The following SLCO1B1 variants were observed in gnomAD, a reference collection of about 807,000 sequenced individuals.
SLCO1B1 encodes solute carrier organic anion transporter family member 1B1.
Under a neutral mutation model 70.1 loss-of-function variants are expected in SLCO1B1, and 81 were observed. The observed-to-expected ratio is 1.16, with a 90% CI of 0.97 to 1.39. SLCO1B1 has a LOEUF of 1.39. Among genes scored for constraint, SLCO1B1 ranks in the 40% most tolerant of loss-of-function variants. The probability of loss-of-function intolerance (pLI) is 0.00; values close to 1 mark genes in which losing one functional copy is unlikely to be tolerated. For synonymous variants in SLCO1B1, 283 were observed against 271.5 expected (o/e 1.04, Z -0.42); for missense variants, 895 against 799.6 (o/e 1.12, Z -1.44).
In SLCO1B1 at chr12:21,172,671, C is replaced by T. The variant is rs751767004; in HGVS notation, c.106C>T (p.Leu36Phe). 6 of 1,613,754 alleles carry T rather than the reference C, an allele frequency of 3.7e-6. No homozygotes were observed. In the East Asian group the frequency reaches 1.3e-4, roughly 36 times the overall value. Residue 36 changes from leucine (L) to phenylalanine (F), a missense_variant, in exon 3 of 15, where the codon CTC becomes TTC. Coordinates refer to ENST00000256958, the MANE Select transcript of SLCO1B1 (RefSeq NM_006446.5). ...TTAGATGTTCTTGGCAGCTCTGTCA[C>T]TCAGCTTTATTGCTAAGACACTAGG... ...GLKMFLAALS[L>F]SFIAKTLGAI...
Position 21,200,519 on chromosome 12 carries a change from T to C in SLCO1B1, c.982T>C (p.Ser328Pro). 6.4e-7 allele frequency: 1 copy of C among 1,564,650 alleles called. No individual in the cohort carries two copies. Among genetic ancestry groups the C allele is most frequent in the Non-Finnish European group, 8.7e-7 (1 of 1,154,924 alleles). The change falls in exon 9 of 15, where the codon TCT (serine) becomes CCT (proline). Residue 328 changes from serine (S) to proline (P), a missense_variant. Physicochemically the swap from Ser to Pro is moderately conservative, Grantham distance 74. Coordinates refer to ENST00000256958, the MANE Select transcript of SLCO1B1 (RefSeq NM_006446.5). Reference sequence around the variant, plus strand: ...TTACAATTTTACAGGTTTTTTCCAGTCTTTTAAAAGCATCCTTACTAATCC... The same window carrying C: ...TTACAATTTTACAGGTTTTTTCCAGCCTTTTAAAAGCATCCTTACTAATCC... ...ITKNVTGFFQSFKSILTNPLY... is the reference protein window; with the variant it reads ...ITKNVTGFFQPFKSILTNPLY...
intron 2 of SLCO1B1, among the ~76,000 whole-genome samples, chr12:21,143,825 T>G (rs1940346207): frequency 3.3e-5 from 5 of 152,058 alleles, no homozygotes; most frequent in Admixed American, 2.0e-4. Context: ...TTCTAAAAAA[T>G]TATCTTAAGG....
At chr12:21,157,454 T>C (rs1940556645) in intron 2 of SLCO1B1, among the ~76,000 whole-genome samples, 1 of 152,112 alleles carries the variant, frequency 6.6e-6, no homozygotes, top group African/African-American at 2.4e-5. Context: ...CAATTCAAAA[T>C]TTAACTAAAA....
intron 2 of SLCO1B1, among the ~76,000 whole-genome samples, chr12:21,170,112 T>C (rs2121093691): frequency 6.6e-6 from 1 of 152,296 alleles, no homozygotes; most frequent in African/African-American, 2.4e-5. Context: ...CAGTTTTTGG[T>C]GTACCTTTGC....
At chr12:21,157,600 A>T (rs536871336) in intron 2 of SLCO1B1, among the ~76,000 whole-genome samples, 131 of 136,826 alleles carry the variant, frequency 9.6e-4, no homozygotes, top group African/African-American at 2.5e-3. Flanking sequence ...AGACTGTAAA[A>T]TTTTTTTTTT....
intron 12 of SLCO1B1, among the ~76,000 whole-genome samples, chr12:21,221,530 C>T (rs71446761): frequency 0.12 from 18,692 of 151,960 alleles, 1,579 homozygotes; most frequent in Non-Finnish European, 0.18. Flanking sequence ...TGACAAAGGG[C>T]TAATATCCTT....
At chr12:21,173,221 G>A (rs1940776789) in intron 3 of SLCO1B1, among the ~76,000 whole-genome samples, 1 of 152,100 alleles carries the variant, frequency 6.6e-6, no homozygotes, top group African/African-American at 2.4e-5. Flanking sequence ...GTTTCACTGA[G>A]CACACAAAAA....
intron 2 of SLCO1B1, among the ~76,000 whole-genome samples, chr12:21,170,393 T>C (rs1273746590): frequency 1.3e-5 from 2 of 148,316 alleles, no homozygotes; most frequent in Non-Finnish European, 1.5e-5. Flanking sequence ...GTACATATGT[T>C]GTTAATATTG....
chr12:21,145,727 AT>A (rs1193182875), intron 2 of SLCO1B1, among the ~76,000 whole-genome samples: 1 of 151,942 alleles, frequency 6.6e-6, no homozygotes, highest in Non-Finnish European at 1.5e-5. Flanking sequence ...TGACTTCTAG[AT>A]TTTTGCAATT....
At position 21,217,111 on chromosome 12, in the gene SLCO1B1, C is replaced by A. The variant is rs78474337; in HGVS notation, c.1498-8C>A. On this transcript the variant is annotated splice_polypyrimidine_tract_variant and splice_region_variant and intron_variant, in intron 11 of 14. Coordinates refer to ENST00000256958, the MANE Select transcript of SLCO1B1 (RefSeq NM_006446.5). ...TTCTTATGTCATATTTTATACACAACGCTTAAGGTGTTTTACAACTGCAGT... is the reference window on the plus strand; with the variant it reads ...TTCTTATGTCATATTTTATACACAAAGCTTAAGGTGTTTTACAACTGCAGT... 33 of 1,610,882 alleles carry A rather than the reference C, an allele frequency of 2.0e-5. No homozygotes were observed. The East Asian group carries it at 2.2e-4, about 11-fold the overall frequency.
intron 12 of SLCO1B1, among the ~76,000 whole-genome samples, chr12:21,221,283 C>T (rs1941420743): frequency 6.6e-6 from 1 of 152,072 alleles, no homozygotes; most frequent in African/African-American, 2.4e-5. Context: ...ACTACTCTTA[C>T]TGCACATAGT....
rs749356996 is a variant in SLCO1B1 at position 21,176,897 on chromosome 12, G to A, written c.481G>A (p.Gly161Ser). 1.3e-6 allele frequency: 2 copies of A among 1,546,822 alleles called. No homozygotes were observed. Among genetic ancestry groups the A allele is most frequent in the East Asian group, 2.2e-5 (1 of 44,526 alleles). ...NRASPEIVGK[G>S]CLKESGSYMW... The stretch of plus-strand genomic sequence containing the variant: ...AGCATCACCTGAGATAGTGGGAAAA[G>A]GTAAGAATTAATATTGACAGTAAAA... The change falls in exon 5 of 15, where the codon GGT (glycine) becomes AGT (serine). Residue 161 changes from glycine to serine, a missense_variant and splice_region_variant. Transcript: ENST00000256958.
intron 11 of SLCO1B1, among the ~76,000 whole-genome samples, chr12:21,213,706 C>G (rs1461218223): frequency 7.0e-6 from 1 of 143,082 alleles, no homozygotes; most frequent in African/African-American, 2.6e-5. Flanking sequence ...GTACACCAAT[C>G]AGACGTAGAT....
At chr12:21,175,141 T>G (rs1295599006) in intron 4 of SLCO1B1, among the ~76,000 whole-genome samples, 3 of 152,138 alleles carry the variant, frequency 2.0e-5, no homozygotes, top group Non-Finnish European at 2.9e-5. Flanking sequence ...AGAGAAAAGT[T>G]AAAATGGCAC....
chr12:21,157,907 T>A (rs1459254871), intron 2 of SLCO1B1, among the ~76,000 whole-genome samples: 2 of 152,018 alleles, frequency 1.3e-5, no homozygotes, highest in Non-Finnish European at 2.9e-5. Flanking sequence ...GCCAAGACTG[T>A]ATAATTTGTT....
At chr12:21,233,462 A>G (rs1941562495) in intron 14 of SLCO1B1, among the ~76,000 whole-genome samples, 1 of 151,820 alleles carries the variant, frequency 6.6e-6, no homozygotes, top group Admixed American at 6.6e-5. Flanking sequence ...TTCTCCCTAA[A>G]ATCTTCTTGA....
intron 2 of SLCO1B1, among the ~76,000 whole-genome samples, chr12:21,147,237 T>G (rs946715111): frequency 2.6e-5 from 4 of 152,174 alleles, no homozygotes; most frequent in South Asian, 2.1e-4. Context: ...TTAGATTGTC[T>G]TGCTTTGTTT....
intron 2 of SLCO1B1, among the ~76,000 whole-genome samples, chr12:21,147,733 C>T (rs1291386666): frequency 1.3e-5 from 2 of 152,086 alleles, no homozygotes; most frequent in African/African-American, 4.8e-5. Flanking sequence ...AATAGTGCTG[C>T]AATAAACATA....
intron 13 of SLCO1B1, among the ~76,000 whole-genome samples, chr12:21,224,168 G>A (rs757948249): frequency 6.6e-6 from 1 of 151,846 alleles, no homozygotes; most frequent in Admixed American, 6.6e-5. Flanking sequence ...TCTGAGCCCA[G>A]AAAAAAGTAC....
Sources: allele counts gnomAD v4.1 joint callset (sites outside exome capture counted in the v4.1 genomes callset), GRCh38; gene constraint gnomAD v4.1.1; transcripts MANE v1.5; gene names NCBI Gene and HGNC (gene_info 2026-07-23, HGNC 2026-07-21).